Variants in SLC12A5 observed in about 807,000 individuals in gnomAD.
SLC12A5 encodes the protein solute carrier family 12 member 5.
SLC12A5 carries 18 observed loss-of-function variants against 124.0 expected under a neutral mutation model. That is an observed-to-expected ratio of 0.15 (90% CI 0.10 to 0.22). The LOEUF (loss-of-function observed/expected upper bound fraction) is 0.22. SLC12A5 is among the 10% of genes least tolerant of loss of function. The pLI is 1.00. For synonymous variants in SLC12A5, 589 were observed against 568.0 expected, an observed-to-expected ratio of 1.04 and a Z score of -0.53; for missense variants, 867 against 1,478.7, an observed-to-expected ratio of 0.59 and a Z score of 6.78.
chr20:46,048,441 A>G (rs2084618249), intron 16 of SLC12A5, among the ~76,000 whole-genome samples: 1 of 152,166 alleles, frequency 6.6e-6, no homozygotes, highest in East Asian at 1.9e-4. Flanking sequence ...AGTTTTGTGG[A>G]GAAGACACAC....
chr20:46,034,626 C>T (rs1487284468), intron 1 of SLC12A5, among the ~76,000 whole-genome samples: 1 of 152,222 alleles, frequency 6.6e-6, no homozygotes, highest in Non-Finnish European at 1.5e-5. Context: ...AAGAACATGC[C>T]TCCACCCCAA....
Position 46,059,692 on chromosome 20 carries a change from TATGA to T in SLC12A5, c.*2091_*2094del, listed in dbSNP as rs1424602919. ...TCTGTGCTACATGTGCAATATTTGT[TATGA>T]ATGTTATCACAAGTCATTCATCAAG... On this transcript the variant is annotated 3_prime_UTR_variant, in exon 26 of 26. Coordinates refer to ENST00000243964, the MANE Select transcript of SLC12A5 (RefSeq NM_020708.5). 4.3e-5 allele frequency: 17 copies of T among 398,968 alleles called. No homozygotes were observed. Among genetic ancestry groups the T allele is most frequent in the African/African-American group, 3.5e-4 (17 of 48,638 alleles). 24.7% of individuals were successfully genotyped at this position (398,968 alleles called of 1,614,324 possible).
chr20:46,042,674 A>T (rs2084558152), intron 8 of SLC12A5, among the ~76,000 whole-genome samples: 1 of 152,052 alleles, frequency 6.6e-6, no homozygotes, highest in African/African-American at 2.4e-5. Context: ...CTTGGAATGG[A>T]GAGAAGGGGC....
Position 46,047,503 on chromosome 20 carries a change from T to G in SLC12A5, c.1837T>G (p.Cys613Gly). The change falls in exon 15 of 26, where the codon TGC (cysteine) becomes GGC (glycine). Residue 613 changes from cysteine to glycine, a missense_variant. By Grantham distance (159) the Cys-to-Gly change is radical. This residue lies in a region of SLC12A5 where 152 missense variants were observed against 358.7 expected (regional missense o/e 0.42). Transcript: ENST00000243964. Reference sequence around the variant, plus strand: ...CCTCTGCCTGGCCCTCATGTTCATCTGCTCCTGGTATTATGCACTGGTAGC... The same window carrying G: ...CCTCTGCCTGGCCCTCATGTTCATCGGCTCCTGGTATTATGCACTGGTAGC... The part of the protein sequence containing the change: ...MSLCLALMFI[C>G]SWYYALVAML... 5.0e-6 allele frequency: 8 copies of G among 1,614,138 alleles called. No homozygotes were observed. The highest frequency in any genetic ancestry group is 6.8e-6 in the Non-Finnish European group (8 of 1,179,986).
intron 1 of SLC12A5, among the ~76,000 whole-genome samples, chr20:46,033,032 C>G (rs1051353856): frequency 1.3e-5 from 2 of 152,078 alleles, no homozygotes; most frequent in Non-Finnish European, 2.9e-5. Flanking sequence ...GGAGTTTCTG[C>G]CTTGATGGAT....
upstream of SLC12A5, chr20:46,021,691 TC>T: frequency 6.7e-7 from 1 of 1,502,566 alleles, no homozygotes; most frequent in Non-Finnish European, 8.9e-7. Flanking sequence ...CCGCTCTTTC[TC>T]CCTCCTAGAG....
rs55947855 is a variant in SLC12A5 at position 46,052,871 on chromosome 20, G to A, written c.2378-86G>A. Reference sequence around the variant, plus strand: ...GTTGGAGTGGGGTGGAGTGCTGGCTGCCAGGAGCCCTTGTGGCTGCTGCTG... The same window carrying A: ...GTTGGAGTGGGGTGGAGTGCTGGCTACCAGGAGCCCTTGTGGCTGCTGCTG... On this transcript the variant is annotated intron_variant, in intron 18 of 25. Coordinates refer to ENST00000243964, the MANE Select transcript of SLC12A5 (RefSeq NM_020708.5). 0.17 allele frequency: 250,713 copies of A among 1,439,028 alleles called. 23,097 individuals are homozygous for A. Among genetic ancestry groups the A allele is most frequent in the South Asian group, 0.25 (17,882 of 71,172 alleles). The allele number at this position is 1,439,028 out of a possible 1,614,324, so 89.1% of individuals were successfully genotyped here.
At chr20:46,040,204 T>C (rs894036894) in intron 6 of SLC12A5, among the ~76,000 whole-genome samples, 169 bp from the exon 7 acceptor site, 1 of 152,224 alleles carries the variant, frequency 6.6e-6, no homozygotes, top group Non-Finnish European at 1.5e-5. Flanking sequence ...ATCATAGTCC[T>C]TGCAGGACAG....
intron 14 of SLC12A5, among the ~76,000 whole-genome samples, 171 bp downstream of exon 14, chr20:46,046,607 T>C (rs1224186069): frequency 1.3e-5 from 2 of 151,954 alleles, no homozygotes; most frequent in African/African-American, 4.8e-5. Flanking sequence ...CCCGAGAGGG[T>C]CTCCTAACAA....
chr20:46,025,264 T>G (rs1377811556), upstream of SLC12A5, among the ~76,000 whole-genome samples: 1 of 152,166 alleles, frequency 6.6e-6, no homozygotes, highest in African/African-American at 2.4e-5. Flanking sequence ...TTGGGAAGAA[T>G]AATGCTGTTA....
chr20:46,053,444 C>A lies in SLC12A5; in HGVS notation c.2548-134C>A. 7.9e-7 allele frequency: 1 copy of A among 1,261,390 alleles called. No homozygotes were observed. The highest frequency in any genetic ancestry group is 1.1e-6 in the Non-Finnish European group (1 of 903,442). The allele number at this position is 1,261,390 out of a possible 1,614,324, so 78.1% of individuals were successfully genotyped here. ...GTTTTGTAGAGAGTGGCCCCAAAGA[C>A]AGAGGATTTGGGGTCTGCATGTATG... On this transcript the variant is annotated intron_variant, in intron 19 of 25. Coordinates refer to ENST00000243964, the MANE Select transcript of SLC12A5 (RefSeq NM_020708.5). The surrounding 1 kb of genome is among the most constrained non-coding windows in gnomAD (Gnocchi z 4.7).
chr20:46,033,852 G>A (rs2084474654), intron 1 of SLC12A5, among the ~76,000 whole-genome samples: 1 of 152,158 alleles, frequency 6.6e-6, no homozygotes, highest in African/African-American at 2.4e-5. Context: ...CACATCATCA[G>A]CCCTTACCTG....
At chr20:46,037,420 G>C in intron 6 of SLC12A5, 35 bp downstream of exon 6, 4 of 1,583,336 alleles carry the variant, frequency 2.5e-6, no homozygotes, top group Non-Finnish European at 3.4e-6. Flanking sequence ...TGGAACCCCA[G>C]GTTGTCAGTC....
At chr20:46,046,982 C>T (rs2084601581) in intron 14 of SLC12A5, among the ~76,000 whole-genome samples, 1 of 152,218 alleles carries the variant, frequency 6.6e-6, no homozygotes, top group Non-Finnish European at 1.5e-5. Flanking sequence ...TCATGCTTGT[C>T]CTACAAAAGG....
At position 46,047,587 on chromosome 20, in the gene SLC12A5, G is replaced by A; in HGVS notation, c.1907+14G>A. 3.1e-6 allele frequency: 5 copies of A among 1,611,426 alleles called. No individual in the cohort carries two copies. Among genetic ancestry groups the A allele is most frequent in the Non-Finnish European group, 4.2e-6 (5 of 1,178,008 alleles). ...TGAGTACCGTGGGTGAGTGTGGGGA[G>A]TGGAGGTTGGGGTGGCTGGGGAAGG... is the stretch of plus-strand genomic sequence containing the variant. On this transcript the variant is annotated intron_variant, in intron 15 of 25. Transcript: ENST00000243964.
chr20:46,040,465 C>T lies in SLC12A5; in HGVS notation c.705C>T (p.Thr235=). 2 of 1,614,262 alleles carry T rather than the reference C, an allele frequency of 1.2e-6. No homozygotes were observed. The highest frequency in any genetic ancestry group is 1.7e-6 in the Non-Finnish European group (2 of 1,180,054). The change falls in exon 7 of 26, where the codon ACC becomes ACT. Residue 235 remains threonine, a synonymous_variant. Transcript: ENST00000243964. ...TGAACAACATGCGTGTTTACGGCAC[C>T]TGTGTGCTCACCTGCATGGCCACTG... ...AMLNNMRVYG[T]CVLTCMATVV...
intron 2 of SLC12A5, 91 bp downstream of exon 2, chr20:46,035,133 C>T: frequency 7.8e-7 from 1 of 1,289,980 alleles, no homozygotes; most frequent in East Asian, 2.4e-5. Context: ...GAGCAATACC[C>T]TCGTCTCCAC....
intron 1 of SLC12A5, among the ~76,000 whole-genome samples, chr20:46,030,803 C>T (rs933205691): frequency 6.7e-5 from 10 of 149,086 alleles, no homozygotes; most frequent in Non-Finnish European, 1.3e-4. Flanking sequence ...TGTCTGACTC[C>T]CCCCCACCCC....
At chr20:46,027,194 C>T (rs1333301100), upstream of SLC12A5, among the ~76,000 whole-genome samples, 1 of 152,184 alleles carries the variant, frequency 6.6e-6, no homozygotes, top group African/African-American at 2.4e-5. Flanking sequence ...CCAATTCAAA[C>T]TCATCTCACC....
Sources: gnomAD v4.1 joint callset for allele counts (sites outside exome capture counted in the v4.1 genomes callset) on GRCh38, gnomAD v4.1.1 for gene constraint, gnomAD v4.1.1 regional missense constraint, Gnocchi (gnomAD v3.1) non-coding constraint, MANE v1.5 for transcripts, NCBI Gene and HGNC (gene_info 2026-07-23, HGNC 2026-07-21) for gene names.